WDR11: variants seen among roughly 807,000 people sequenced by gnomAD.
The protein encoded by WDR11 is WD repeat-containing protein 11.
Under a neutral mutation model 151.2 loss-of-function variants are expected in WDR11, and 83 were observed. That is an observed-to-expected ratio of 0.55 (90% confidence interval 0.46 to 0.66). The LOEUF (loss-of-function observed/expected upper bound fraction) is 0.66, where lower values mean the gene tolerates loss of function less well. WDR11 is among the 30% of genes least tolerant of loss of function. The probability of loss-of-function intolerance (pLI) is 0.00; values close to 1 mark genes in which losing one functional copy is unlikely to be tolerated. For missense variants in WDR11, 1,301 were observed against 1,480.9 expected, an observed-to-expected ratio of 0.88 and a Z score of 1.99; for synonymous variants, 484 against 533.1, an observed-to-expected ratio of 0.91 and a Z score of 1.27.
At chr10:120,899,005 G>A (rs953714939) in intron 19 of WDR11, among the ~76,000 whole-genome samples, 14 of 152,198 alleles carry the variant, frequency 9.2e-5, no homozygotes, top group African/African-American at 3.4e-4. Context: ...GTAAGGCCAA[G>A]TTGTAAAAGC....
At chr10:120,867,273 C>A in intron 9 of WDR11, 104 bp downstream of exon 9, 1 of 810,618 alleles carries the variant, frequency 1.2e-6, no homozygotes, top group Non-Finnish European at 2.1e-6. Context: ...AAAGTTAATA[C>A]TTGAGAAAAC....
In WDR11 at chr10:120,878,450, C is replaced by A. The variant is rs112914841; in HGVS notation, c.1654C>A (p.Leu552Ile). Reference sequence around the variant, plus strand: ...GAGAAATGAACTTCAACTGGTTGATCTTCCAACAGGTTTGTTTTTAAAGAT... The same window carrying A: ...GAGAAATGAACTTCAACTGGTTGATATTCCAACAGGTTTGTTTTTAAAGAT... ...LVRNELQLVD[L>I]PTGRSIAFRG... is the part of the protein sequence containing the mutation. Residue 552 changes from leucine (L) to isoleucine (I), a missense_variant, in exon 12 of 29, where the codon CTT becomes ATT. Physicochemically the swap from Leu to Ile is conservative, Grantham distance 5 (BLOSUM62 2). This residue lies in a region of WDR11 where 692 missense variants were observed against 762.5 expected (regional missense o/e 0.91). Coordinates refer to ENST00000263461, the MANE Select transcript of WDR11 (RefSeq NM_018117.12). 2.5e-6 allele frequency: 4 copies of A among 1,612,370 alleles called. No individual in the cohort carries two copies. Among genetic ancestry groups the A allele is most frequent in the Non-Finnish European group, 3.4e-6 (4 of 1,178,776 alleles).
chr10:120,877,651 C>T lies in WDR11; in HGVS notation c.1557-702C>T, dbSNP rs2133769963. On this transcript the variant is annotated intron_variant, in intron 11 of 28. Coordinates refer to ENST00000263461, the MANE Select transcript of WDR11 (RefSeq NM_018117.12). ...AAAACAAAACAAAACAAAACTTTCACGATGTATTATAAAAATGTCTGAATT... is the reference window on the plus strand; with the variant it reads ...AAAACAAAACAAAACAAAACTTTCATGATGTATTATAAAAATGTCTGAATT... 2.0e-5 allele frequency among the ~76,000 whole-genome samples: 3 copies of T among 152,040 alleles called. No homozygotes were observed. In the South Asian group the frequency reaches 6.2e-4, roughly 32 times the overall value.
rs757956650 is a variant in WDR11, at chr10:120,889,082, G to A, written c.2126G>A (p.Ser709Asn). The change falls in exon 17 of 29, where the codon AGT becomes AAT. Residue 709 changes from serine (S) to asparagine (N), a missense_variant. Ser to Asn is a conservative substitution (Grantham distance 46). Transcript: ENST00000263461. ...TTTGTTGCTGTTGTTTTCTAGGGAA[G>A]TATGGGTAGTATTACCTGCATCGCT... ...KDSARIPPDG[S>N]MGSITCIAWK... 1.2e-6 allele frequency: 2 copies of A among 1,608,382 alleles called. No homozygotes were observed. The highest frequency in any genetic ancestry group is 2.7e-5 in the African/African-American group (2 of 74,898).
At chr10:120,898,240 A>G (rs919596650) in intron 19 of WDR11, among the ~76,000 whole-genome samples, 7 of 152,300 alleles carry the variant, frequency 4.6e-5, no homozygotes, top group Admixed American at 3.9e-4. Context: ...AGTATTTTAC[A>G]TTTATTGTAA....
At chr10:120,860,356 AT>A in intron 4 of WDR11, 74 bp downstream of exon 4, 1 of 1,493,974 alleles carries the variant, frequency 6.7e-7, no homozygotes, top group Non-Finnish European at 9.1e-7. Context: ...TGCATGAGAT[AT>A]ACACACACAT....
Position 120,885,818 on chromosome 10 carries a change from G to T in WDR11, c.1853G>T (p.Trp618Leu). ...KNFPTITALEWSPSHNLKSLR... is the reference protein window; with the variant it reads ...KNFPTITALELSPSHNLKSLR... ...TTGTCTGCATTTGCTTTACAGGAGT[G>T]GTCACCATCTCACAACTTGAAGAGC... The change falls in exon 15 of 29, where the codon TGG (tryptophan) becomes TTG (leucine). Residue 618 changes from tryptophan (W) to leucine (L), a missense_variant. By Grantham distance (61) the Trp-to-Leu change is moderately conservative. This residue lies in a region of WDR11 where 692 missense variants were observed against 762.5 expected (regional missense o/e 0.91). Coordinates refer to ENST00000263461, the MANE Select transcript of WDR11 (RefSeq NM_018117.12). 1 of 1,613,598 alleles carries T rather than the reference G, an allele frequency of 6.2e-7. No individual in the cohort carries two copies. Among genetic ancestry groups the T allele is most frequent in the Non-Finnish European group, 8.5e-7 (1 of 1,179,684 alleles).
chr10:120,862,959 T>C, intron 5 of WDR11, 38 bp downstream of exon 5: 1 of 1,352,772 alleles, frequency 7.4e-7, no homozygotes, highest in South Asian at 1.2e-5. Context: ...CATCTACTTA[T>C]CTGGTATGAA....
At chr10:120,872,381 T>G (rs1056029417) in intron 10 of WDR11, among the ~76,000 whole-genome samples, 2 of 152,220 alleles carry the variant, frequency 1.3e-5, no homozygotes, top group African/African-American at 4.8e-5. Flanking sequence ...GCTTCATATG[T>G]GCATGTATGT....
Position 120,900,130 on chromosome 10 carries a change from T to G in WDR11, c.2617T>G (p.Ser873Ala), listed in dbSNP as rs1207890915. ...PWNGQYSLDI[S>A]HVDYPENEEI... ...GAATGGACAGTATTCTTTGGACATT[T>G]CTCATGTGTAAGTTTTTCACTTTTC... The change falls in exon 20 of 29, where the codon TCT (serine) becomes GCT (alanine). Residue 873 changes from serine (S) to alanine (A), a missense_variant. Ser to Ala is a moderately conservative substitution (Grantham distance 99). Around this residue, in one of 3 missense-constraint regions of WDR11, gnomAD observed 589 missense variants for 670.6 expected, o/e 0.88. Coordinates refer to ENST00000263461, the MANE Select transcript of WDR11 (RefSeq NM_018117.12). The G allele has an allele frequency of 6.2e-7, 1 of 1,611,718 alleles. No individual in the cohort carries two copies. Among genetic ancestry groups the G allele is most frequent in the East Asian group, 2.2e-5 (1 of 44,862 alleles).
At chr10:120,903,341 T>G in intron 23 of WDR11, 109 bp downstream of exon 23, 1 of 1,364,460 alleles carries the variant, frequency 7.3e-7, no homozygotes. Flanking sequence ...TGTTCAGTAA[T>G]AGAAATAAGC....
intron 9 of WDR11, among the ~76,000 whole-genome samples, chr10:120,867,402 C>T (rs1391417099): frequency 1.3e-5 from 2 of 152,176 alleles, no homozygotes; most frequent in Non-Finnish European, 2.9e-5. Flanking sequence ...AACGTTCATT[C>T]GTGAGAGACT....
At chr10:120,900,769 G>C (rs1847785460) in intron 20 of WDR11, among the ~76,000 whole-genome samples, 2 of 152,228 alleles carry the variant, frequency 1.3e-5, no homozygotes, top group African/African-American at 4.8e-5. Flanking sequence ...AGATTTTAAA[G>C]CCTGCTTATA....
chr10:120,876,792 C>T (rs940701942), intron 11 of WDR11, among the ~76,000 whole-genome samples: 4 of 152,172 alleles, frequency 2.6e-5, no homozygotes, highest in African/African-American at 4.8e-5. Context: ...CCACTACAAT[C>T]GTATGGGGCA....
Position 120,888,998 on chromosome 10 carries a change from TAA to T in WDR11, c.2122-79_2122-78del, listed in dbSNP as rs1317393612. The T allele has an allele frequency of 2.7e-6, 3 of 1,106,434 alleles. No individual in the cohort carries two copies. In the Admixed American group the frequency reaches 5.4e-5, roughly 20 times the overall value. The allele number at this position is 1,106,434 out of a possible 1,614,324, so 68.5% of individuals were successfully genotyped here. ...CATACTAAAGCACAGCCCTTTAAAT[TAA>T]GTTTTATTAAAATATTTATTATAAT... On this transcript the variant is annotated intron_variant, in intron 16 of 28. Coordinates refer to ENST00000263461, the MANE Select transcript of WDR11 (RefSeq NM_018117.12).
intron 19 of WDR11, 93 bp downstream of exon 19, chr10:120,890,980 A>C: frequency 7.6e-7 from 1 of 1,319,178 alleles, no homozygotes; most frequent in South Asian, 1.2e-5. Context: ...CTTCTGTTTC[A>C]TTTCAGTCTT....
intron 11 of WDR11, among the ~76,000 whole-genome samples, chr10:120,874,846 G>A (rs1044070344): frequency 1.4e-4 from 21 of 149,808 alleles, no homozygotes; most frequent in Admixed American, 2.7e-4. Context: ...TGTGCAGAAT[G>A]TGCAGGTTTG....
intron 11 of WDR11, among the ~76,000 whole-genome samples, chr10:120,875,388 G>C (rs1051261226): frequency 3.9e-5 from 6 of 152,218 alleles, no homozygotes; most frequent in Non-Finnish European, 8.8e-5. Flanking sequence ...CTTGCTTTCT[G>C]TTCCAAAATG....
intron 4 of WDR11, among the ~76,000 whole-genome samples, chr10:120,862,026 T>TA (rs1440420695): frequency 6.6e-6 from 1 of 152,232 alleles, no homozygotes; most frequent in Non-Finnish European, 1.5e-5. Context: ...TATCATCAAA[T>TA]AAAATATATG....
Sources: gnomAD v4.1 joint callset for allele counts (sites outside exome capture counted in the v4.1 genomes callset) on GRCh38, gnomAD v4.1.1 for gene constraint, gnomAD v4.1.1 regional missense constraint, MANE v1.5 for transcripts, NCBI Gene and HGNC (gene_info 2026-07-23, HGNC 2026-07-21) for gene names.